RAB3C: variants seen among roughly 807,000 people sequenced by gnomAD.
The protein encoded by RAB3C is ras-related protein Rab-3C.
In RAB3C, 17 loss-of-function variants were observed where a neutral mutation model predicts 26.4. The observed-to-expected ratio is 0.64, with a 90% CI of 0.44 to 0.97. The LOEUF is 0.97. RAB3C is among the 50% of genes least tolerant of loss of function. RAB3C has a pLI of 0.00. For missense variants in RAB3C, 242 were observed against 281.9 expected (o/e 0.86, Z 1.01); for synonymous variants, 91 against 95.9 (o/e 0.95, Z 0.30).
chr5:58,792,386 T>C (rs1420748558), intron 3 of RAB3C, among the ~76,000 whole-genome samples: 1 of 152,096 alleles, frequency 6.6e-6, no homozygotes, highest in African/African-American at 2.4e-5. Flanking sequence ...GGATTACTCA[T>C]AGGCTAGCAG....
At chr5:58,654,866 A>G (rs969262163) in intron 2 of RAB3C, among the ~76,000 whole-genome samples, 3 of 152,214 alleles carry the variant, frequency 2.0e-5, no homozygotes, top group Non-Finnish European at 4.4e-5. Context: ...GCAATATCCC[A>G]GGTAGTGGGG....
At chr5:58,654,054 G>A (rs972428800) in intron 2 of RAB3C, among the ~76,000 whole-genome samples, 1 of 152,044 alleles carries the variant, frequency 6.6e-6, no homozygotes, top group Non-Finnish European at 1.5e-5. Context: ...AATGTTTTCT[G>A]CATTTTCTTT....
intron 3 of RAB3C, chr5:58,823,154 G>C (rs1312816524): frequency 5.4e-6 from 2 of 368,100 alleles, no homozygotes; most frequent in Admixed American, 6.9e-5. Context: ...GGAAGCAGAT[G>C]AAGATGCTTA....
At chr5:58,753,606 G>T (rs1315244553) in intron 3 of RAB3C, among the ~76,000 whole-genome samples, 1 of 152,180 alleles carries the variant, frequency 6.6e-6, no homozygotes, top group Non-Finnish European at 1.5e-5. Context: ...CAACTGGAAA[G>T]AAATGCTTGC....
intron 3 of RAB3C, among the ~76,000 whole-genome samples, chr5:58,756,331 AT>A (rs1218077157): frequency 7.1e-6 from 1 of 139,888 alleles, no homozygotes; most frequent in Admixed American, 7.0e-5. Context: ...ATATATATAT[AT>A]ATAACATATA....
intron 4 of RAB3C, among the ~76,000 whole-genome samples, chr5:58,841,977 G>A (rs1743885399): frequency 6.6e-6 from 1 of 152,046 alleles, no homozygotes; most frequent in South Asian, 2.1e-4. Context: ...TGATGTTAAG[G>A]GATACCATTG....
chr5:58,583,079 C>T lies in RAB3C; in HGVS notation c.-130C>T, dbSNP rs1745935807. The T allele has an allele frequency of 1.6e-5, 24 of 1,542,412 alleles. No individual in the cohort carries two copies. Among genetic ancestry groups the T allele is most frequent in the Non-Finnish European group, 1.9e-5 (22 of 1,147,822 alleles). On this transcript the variant is annotated 5_prime_UTR_variant, in exon 1 of 5. Coordinates refer to ENST00000282878, the MANE Select transcript of RAB3C (RefSeq NM_138453.4). ...GCGCCAGGAGAGGACAGCTCCAGTG[C>T]TGATGTTGGAGCCGGTTAGCGAACC...
chr5:58,857,382 T>C lies in RAB3C; in HGVS notation c.*6031T>C, dbSNP rs1241934992. The C allele has an allele frequency of 6.6e-6, 1 of 152,196 alleles. No homozygotes were observed. The highest frequency in any genetic ancestry group is 1.5e-5 in the Non-Finnish European group (1 of 68,006). The allele number at this position is 152,196 out of a possible 1,614,324, so 9.4% of individuals were successfully genotyped here. ...TGTGGATTTTATTGTCAAGACAGAATGGCTGTTCATTTATTTTATAAAAGC... is the reference window on the plus strand; with the variant it reads ...TGTGGATTTTATTGTCAAGACAGAACGGCTGTTCATTTATTTTATAAAAGC... On this transcript the variant is annotated 3_prime_UTR_variant, in exon 5 of 5. Transcript: ENST00000282878.
intron 3 of RAB3C, among the ~76,000 whole-genome samples, chr5:58,810,389 G>C (rs139328560): frequency 0.72 from 102,114 of 141,202 alleles, 36,912 homozygotes; most frequent in Middle Eastern, 0.87. Context: ...CTCTCTCTGT[G>C]TGTGTGTGTG....
chr5:58,814,459 G>C (rs1371832569), intron 3 of RAB3C, among the ~76,000 whole-genome samples: 1 of 152,190 alleles, frequency 6.6e-6, no homozygotes, highest in Non-Finnish European at 1.5e-5. Context: ...TGGGTTCTAA[G>C]TTTAGCTTCC....
intron 4 of RAB3C, among the ~76,000 whole-genome samples, chr5:58,838,355 G>GGGGACAGGCT (rs1360765454): frequency 3.3e-5 from 5 of 149,650 alleles, no homozygotes; most frequent in Non-Finnish European, 7.4e-5. Context: ...ACTCCAGCCT[G>GGGGACAGGCT]GGGACAGAGT....
At chr5:58,666,033 G>T (rs919410965) in intron 2 of RAB3C, among the ~76,000 whole-genome samples, 1 of 152,100 alleles carries the variant, frequency 6.6e-6, no homozygotes, top group African/African-American at 2.4e-5. Context: ...TGCCTGCACT[G>T]CAAATTCATC....
intron 2 of RAB3C, among the ~76,000 whole-genome samples, chr5:58,700,173 A>G (rs1459543373): frequency 6.6e-6 from 1 of 152,248 alleles, no homozygotes; most frequent in African/African-American, 2.4e-5. Context: ...ATGAGTCAGC[A>G]TGGTGCATGA....
At chr5:58,820,939 T>C (rs183826280) in intron 3 of RAB3C, among the ~76,000 whole-genome samples, 3 of 152,256 alleles carry the variant, frequency 2.0e-5, no homozygotes, top group African/African-American at 7.2e-5. Context: ...CTCGGATGTG[T>C]TTAGTGGTAG....
chr5:58,669,039 A>G (rs1303066452), intron 2 of RAB3C, among the ~76,000 whole-genome samples: 1 of 152,248 alleles, frequency 6.6e-6, no homozygotes, highest in East Asian at 1.9e-4. Context: ...GTCTCTTCTT[A>G]TAAGGGCACT....
intron 2 of RAB3C, among the ~76,000 whole-genome samples, chr5:58,714,357 T>G (rs1411502687): frequency 6.6e-6 from 1 of 152,110 alleles, no homozygotes; most frequent in Non-Finnish European, 1.5e-5. Flanking sequence ...TAACTAGAAT[T>G]ATATACCCAG....
chr5:58,668,686 T>C (rs570769146), intron 2 of RAB3C, among the ~76,000 whole-genome samples: 8 of 152,240 alleles, frequency 5.3e-5, no homozygotes, highest in South Asian at 4.1e-4. Context: ...GAAAATAATA[T>C]AGCTGAGAGG....
At chr5:58,641,074 T>C (rs1747403816) in intron 2 of RAB3C, among the ~76,000 whole-genome samples, 1 of 152,226 alleles carries the variant, frequency 6.6e-6, no homozygotes, top group African/African-American at 2.4e-5. Context: ...GCAGGCTGAC[T>C]GTCATCACCT....
chr5:58,591,995 T>G (rs922598047), intron 1 of RAB3C, among the ~76,000 whole-genome samples: 3 of 150,176 alleles, frequency 2.0e-5, no homozygotes, highest in Admixed American at 6.7e-5. Context: ...GCCTCCCGGG[T>G]TCAAGCGATT....
Sources: gnomAD v4.1 joint callset for allele counts (sites outside exome capture counted in the v4.1 genomes callset) on GRCh38, gnomAD v4.1.1 for gene constraint, MANE v1.5 for transcripts, NCBI Gene and HGNC (gene_info 2026-07-23, HGNC 2026-07-21) for gene names.